LMAN2L: variants seen among roughly 807,000 people sequenced by gnomAD.
The protein encoded by LMAN2L is lectin, mannose binding 2 like, also known as VIP36-like protein.
Under a neutral mutation model 44.3 loss-of-function variants are expected in LMAN2L, and 30 were observed. The observed-to-expected ratio is 0.68, with a 90% CI of 0.51 to 0.92. The LOEUF (loss-of-function observed/expected upper bound fraction) is 0.92, where lower values mean the gene tolerates loss of function less well. Among genes scored for constraint, LMAN2L ranks in the 40% least tolerant of loss-of-function variants. The pLI is 0.00. For missense variants in LMAN2L, 429 were observed against 446.1 expected, an observed-to-expected ratio of 0.96 and a Z score of 0.35; for synonymous variants, 183 against 171.1, an observed-to-expected ratio of 1.07 and a Z score of -0.54.
intron 2 of LMAN2L, 86 bp downstream of exon 2, chr2:96,737,863 T>C (rs540676007): frequency 1.7e-5 from 13 of 763,424 alleles, no homozygotes; most frequent in Admixed American, 1.9e-5. Context: ...ACCAGGGGGA[T>C]AGACAGTAAA....
At chr2:96,722,211 G>A (rs975690534) in intron 4 of LMAN2L, among the ~76,000 whole-genome samples, 7 of 150,182 alleles carry the variant, frequency 4.7e-5, no homozygotes, top group Admixed American at 2.7e-4. Context: ...CTCGTGATCC[G>A]CCCACCTTGG....
chr2:96,725,213 C>A (rs910758551), intron 4 of LMAN2L, among the ~76,000 whole-genome samples: 2 of 152,110 alleles, frequency 1.3e-5, no homozygotes, highest in African/African-American at 4.8e-5. Context: ...CCGTCTCAGC[C>A]TCCCAAAATC....
rs189594611 is a variant in LMAN2L, at chr2:96,723,090, T to A, written c.507+10429A>T. ...CACACCTATGAGTGGAATTGCTAGA[T>A]CATGTAAAGTCTATGTTTAGTCATT... On this transcript the variant is annotated intron_variant, in intron 4 of 7. Transcript: ENST00000264963. 4.4e-3 allele frequency among the ~76,000 whole-genome samples: 671 copies of A among 152,342 alleles called. 5 individuals carry two copies. The highest frequency in any genetic ancestry group is 0.016 in the African/African-American group (648 of 41,570).
chr2:96,719,665 G>A (rs949469088), intron 4 of LMAN2L, among the ~76,000 whole-genome samples: 3 of 151,798 alleles, frequency 2.0e-5, no homozygotes, highest in Non-Finnish European at 4.4e-5. Context: ...GCGTAATCTC[G>A]GCTCACTGCA....
intron 4 of LMAN2L, among the ~76,000 whole-genome samples, chr2:96,717,566 G>A (rs922558728): frequency 6.7e-6 from 1 of 149,600 alleles, no homozygotes; most frequent in African/African-American, 2.5e-5. Flanking sequence ...ACGGCCAGGC[G>A]CAGTAGCTCA....
chr2:96,728,663 T>G (rs1242617332), intron 4 of LMAN2L, among the ~76,000 whole-genome samples: 1 of 151,932 alleles, frequency 6.6e-6, no homozygotes. Context: ...GCCAACGCAG[T>G]GAAACGCCGC....
chr2:96,707,638 C>A (rs927851556), intron 7 of LMAN2L, 76 bp downstream of exon 7: 2 of 1,553,120 alleles, frequency 1.3e-6, no homozygotes, highest in African/African-American at 1.4e-5. Context: ...GCAGAGACCG[C>A]CCTGTGAGCT....
chr2:96,734,025 T>C (rs1421316401), intron 3 of LMAN2L, among the ~76,000 whole-genome samples: 1 of 152,212 alleles, frequency 6.6e-6, no homozygotes, highest in South Asian at 2.1e-4. Context: ...GGAGCAATAA[T>C]AGCTCTAACA....
At chr2:96,713,280 T>C in intron 4 of LMAN2L, 2 of 694,080 alleles carry the variant, frequency 2.9e-6, no homozygotes, top group South Asian at 1.9e-5. Flanking sequence ...AAACAGAATT[T>C]TAGGGTCCCT....
intron 6 of LMAN2L, among the ~76,000 whole-genome samples, chr2:96,708,143 T>C (rs144479145): frequency 1.5e-3 from 229 of 152,390 alleles, no homozygotes; most frequent in Non-Finnish European, 2.5e-3. Flanking sequence ...GCAGAAACCA[T>C]ACTTCAAAAT....
chr2:96,732,348 A>T (rs2078417767), intron 4 of LMAN2L, among the ~76,000 whole-genome samples: 1 of 151,836 alleles, frequency 6.6e-6, no homozygotes, highest in Non-Finnish European at 1.5e-5. Context: ...ACCCACTGTC[A>T]ATATAAGAAA....
intron 2 of LMAN2L, among the ~76,000 whole-genome samples, chr2:96,736,369 C>T (rs1389590584): frequency 6.6e-6 from 1 of 152,130 alleles, no homozygotes; most frequent in East Asian, 1.9e-4. Flanking sequence ...CAAATGCATC[C>T]TATTCAAATA....
intron 4 of LMAN2L, among the ~76,000 whole-genome samples, chr2:96,722,459 G>A (rs139195316): frequency 3.2e-4 from 48 of 151,834 alleles, no homozygotes; most frequent in African/African-American, 8.5e-4. Context: ...TAGATCCCTC[G>A]CATGCTCAGT....
intron 4 of LMAN2L, among the ~76,000 whole-genome samples, chr2:96,712,897 A>G (rs2077958558): frequency 6.6e-6 from 1 of 152,220 alleles, no homozygotes; most frequent in African/African-American, 2.4e-5. Context: ...AAGGCAGGGT[A>G]GTGAGGTGGT....
chr2:96,707,596 G>A lies in LMAN2L; in HGVS notation c.904+118C>T. 7 of 1,341,428 alleles carry A rather than the reference G, an allele frequency of 5.2e-6. No homozygotes were observed. In the South Asian group the frequency reaches 9.7e-5, roughly 19 times the overall value. The allele number at this position is 1,341,428 out of a possible 1,614,324, so 83.1% of individuals were successfully genotyped here. A position where few individuals can be genotyped will look rare whatever the true frequency, so the allele number is the denominator to read the frequency against. Reference sequence around the variant, plus strand: ...ACTTGAAGGGGAAAGGCAGATGAAAGTGCTCCCTACCCTTCAGAAGAAGAA... The same window carrying A: ...ACTTGAAGGGGAAAGGCAGATGAAAATGCTCCCTACCCTTCAGAAGAAGAA... On this transcript the variant is annotated intron_variant, in intron 7 of 7. Coordinates refer to ENST00000264963, the MANE Select transcript of LMAN2L (RefSeq NM_030805.4).
chr2:96,711,510 A>T (rs2077915319), intron 6 of LMAN2L, 146 bp downstream of exon 6: 1 of 615,390 alleles, frequency 1.6e-6, no homozygotes, highest in African/African-American at 1.9e-5. Context: ...GAATGTGGAT[A>T]TAAGAATGCA....
At chr2:96,731,053 A>G (rs1204532069) in intron 4 of LMAN2L, among the ~76,000 whole-genome samples, 1 of 151,948 alleles carries the variant, frequency 6.6e-6, no homozygotes, top group Non-Finnish European at 1.5e-5. Context: ...TGCAGACCTC[A>G]ACCTAAAAGG....
chr2:96,719,701 T>C (rs2078111703), intron 4 of LMAN2L, among the ~76,000 whole-genome samples: 1 of 152,046 alleles, frequency 6.6e-6, no homozygotes, highest in Non-Finnish European at 1.5e-5. Flanking sequence ...GTTCAAACAA[T>C]TCTTCTGCCT....
chr2:96,725,760 T>C (rs1184793953), intron 4 of LMAN2L, among the ~76,000 whole-genome samples: 2 of 152,116 alleles, frequency 1.3e-5, no homozygotes, highest in Non-Finnish European at 2.9e-5. Flanking sequence ...TACTTCTAAG[T>C]ATTTTATTCT....
Sources: gnomAD v4.1 joint callset for allele counts (sites outside exome capture counted in the v4.1 genomes callset) on GRCh38, gnomAD v4.1.1 for gene constraint, MANE v1.5 for transcripts, NCBI Gene and HGNC (gene_info 2026-07-23, HGNC 2026-07-21) for gene names.